Variants in TENM3 observed in about 807,000 individuals in gnomAD.
TENM3 encodes teneurin-3.
TENM3 carries 63 observed loss-of-function variants against 255.1 expected under a neutral mutation model. The ratio of observed to expected loss-of-function variants is 0.25; its 90% CI spans 0.20 to 0.30. The LOEUF is 0.30. Ranked by LOEUF, TENM3 falls within the 10% of genes least tolerant of loss-of-function variation. The pLI, the probability that TENM3 is intolerant of heterozygous loss-of-function variation, is 1.00. For missense variants in TENM3, 2,929 were observed against 3,461.1 expected (o/e 0.85, Z 3.86); for synonymous variants, 1,306 against 1,322.3 (o/e 0.99, Z 0.27).
At chr4:182,161,639 G>GTATATGTATATACAAATATATATATGTA (rs1751206717) in intron 1 of TENM3, among the ~76,000 whole-genome samples, 3 of 87,890 alleles carry the variant, frequency 3.4e-5, no homozygotes, top group Non-Finnish European at 4.2e-5. Context: ...ATATATATAT[G>GTATATGTATATACAAATATATATATGTA]TATATATATA....
chr4:182,285,016 T>C (rs1421255133), intron 1 of TENM3, among the ~76,000 whole-genome samples: 1 of 152,098 alleles, frequency 6.6e-6, no homozygotes, highest in African/African-American at 2.4e-5. Flanking sequence ...TATTTGGAAA[T>C]GCAGAGTGAA....
chr4:181,674,426 A>AC, the TENM3 span, among the ~76,000 whole-genome samples: 1 of 152,058 alleles, frequency 6.6e-6, no homozygotes, highest in Non-Finnish European at 1.5e-5. Context: ...AAAAAAAAAA[A>AC]AACTCATGTT....
chr4:182,732,843 C>A (rs1760880774), intron 16 of TENM3, among the ~76,000 whole-genome samples: 1 of 152,062 alleles, frequency 6.6e-6, no homozygotes, highest in African/African-American at 2.4e-5. Flanking sequence ...TATATATAAT[C>A]ATAATAGACT....
chr4:181,954,092 G>T, the TENM3 span, among the ~76,000 whole-genome samples: 38 of 152,322 alleles, frequency 2.5e-4, no homozygotes, highest in East Asian at 5.4e-3. Flanking sequence ...GTAGTTGCAT[G>T]TATCAGTAGC....
chr4:182,696,723 CA>C (rs539589000), intron 12 of TENM3, among the ~76,000 whole-genome samples: 27 of 134,816 alleles, frequency 2.0e-4, no homozygotes, highest in South Asian at 2.3e-4. Flanking sequence ...GACTTCATCT[CA>C]AAAAAAAAAA....
the TENM3 span, among the ~76,000 whole-genome samples, chr4:181,663,307 T>C: frequency 6.6e-6 from 1 of 152,122 alleles, no homozygotes; most frequent in African/African-American, 2.4e-5. Context: ...GAAATGGAGG[T>C]TGAATCTTTC....
At chr4:182,246,260 G>A (rs1219668228) in intron 1 of TENM3, among the ~76,000 whole-genome samples, 4 of 152,076 alleles carry the variant, frequency 2.6e-5, no homozygotes, top group African/African-American at 9.7e-5. Context: ...AAGGCATAGG[G>A]GAAGAAAGAA....
the TENM3 span, among the ~76,000 whole-genome samples, chr4:182,068,598 C>T: frequency 2.0e-5 from 3 of 151,812 alleles, no homozygotes; most frequent in Admixed American, 2.0e-4. Context: ...TTGATGAAAA[C>T]AGCTTCCAGA....
At chr4:182,526,556 T>C (rs1194962701) in intron 3 of TENM3, among the ~76,000 whole-genome samples, 1 of 151,758 alleles carries the variant, frequency 6.6e-6, no homozygotes, top group Non-Finnish European at 1.5e-5. Flanking sequence ...GAAAAGAAAA[T>C]AGTGGGAAGG....
rs1766702773 is a variant in TENM3 at position 182,799,052 on chromosome 4, T to G, written c.7345-544T>G. Among the ~76,000 whole-genome samples the G allele has an allele frequency of 6.6e-6, 1 of 152,224 alleles. No individual in the cohort carries two copies. The highest frequency in any genetic ancestry group is 2.1e-4 in the South Asian group (1 of 4,830). On this transcript the variant is annotated intron_variant, in intron 27 of 27. Coordinates refer to ENST00000511685, the MANE Select transcript of TENM3 (RefSeq NM_001080477.4). This position sits in a 1 kb window ranked among gnomAD's most constrained non-coding sequence, Gnocchi z 4.2. ...CACCTTCCACTCATCCCTGTACATTTCAGTTCTGCGGTTACACTCACCATC... is the reference window on the plus strand; with the variant it reads ...CACCTTCCACTCATCCCTGTACATTGCAGTTCTGCGGTTACACTCACCATC...
the TENM3 span, among the ~76,000 whole-genome samples, chr4:181,916,430 A>C: frequency 9.3e-3 from 1,410 of 152,324 alleles, 15 homozygotes; most frequent in African/African-American, 0.032. Context: ...AGAGTAATAC[A>C]TAAATCAGCT....
intron 1 of TENM3, among the ~76,000 whole-genome samples, chr4:182,263,574 T>C (rs1759019048): frequency 7.0e-6 from 1 of 142,420 alleles, no homozygotes; most frequent in Admixed American, 6.8e-5. Context: ...ATGTACAGGA[T>C]TGAGGGACAT....
At chr4:181,707,024 T>C in the TENM3 span, among the ~76,000 whole-genome samples, 2 of 152,174 alleles carry the variant, frequency 1.3e-5, no homozygotes, top group Non-Finnish European at 2.9e-5. Flanking sequence ...AGAGAGAATC[T>C]GATGGAAGTA....
At chr4:182,333,421 G>C (rs998553634) in intron 2 of TENM3, among the ~76,000 whole-genome samples, 3 of 152,004 alleles carry the variant, frequency 2.0e-5, no homozygotes, top group Non-Finnish European at 4.4e-5. Context: ...GAATATACAA[G>C]GATTTTTCAG....
At chr4:182,477,997 C>A (rs1668857499) in intron 3 of TENM3, among the ~76,000 whole-genome samples, 1 of 152,024 alleles carries the variant, frequency 6.6e-6, no homozygotes, top group African/African-American at 2.4e-5. Context: ...TTATATCATA[C>A]CAATTGTCAA....
the TENM3 span, among the ~76,000 whole-genome samples, chr4:181,610,044 T>C: frequency 6.3e-3 from 967 of 152,352 alleles, 12 homozygotes; most frequent in African/African-American, 0.022. Flanking sequence ...ATAGAAGATA[T>C]ATTGTTACAG....
At chr4:182,398,503 G>A (rs997029500) in intron 3 of TENM3, among the ~76,000 whole-genome samples, 7 of 152,160 alleles carry the variant, frequency 4.6e-5, no homozygotes, top group South Asian at 2.1e-4. Flanking sequence ...ACTGTGAATC[G>A]CTGTGAGAGG....
intron 3 of TENM3, among the ~76,000 whole-genome samples, chr4:182,360,553 T>G (rs566699867): frequency 6.6e-6 from 1 of 152,016 alleles, no homozygotes; most frequent in African/African-American, 2.4e-5. Context: ...CCCCTGCCTT[T>G]TTTTCTTTTC....
chr4:182,718,491 C>T (rs1325483710), intron 13 of TENM3, among the ~76,000 whole-genome samples: 2 of 152,178 alleles, frequency 1.3e-5, no homozygotes, highest in African/African-American at 4.8e-5. Context: ...GAAGTGCTGT[C>T]ACCAGAAGAA....
Sources: gnomAD v4.1 joint callset for allele counts (sites outside exome capture counted in the v4.1 genomes callset) on GRCh38, gnomAD v4.1.1 for gene constraint, Gnocchi (gnomAD v3.1) non-coding constraint, MANE v1.5 for transcripts, NCBI Gene and HGNC (gene_info 2026-07-23, HGNC 2026-07-21) for gene names.